The following CNTN1 variants were observed in gnomAD, a reference collection of about 807,000 sequenced individuals.
The protein encoded by CNTN1 is contactin 1.
CNTN1 carries 38 observed loss-of-function variants against 126.4 expected under a neutral mutation model. That is an observed-to-expected ratio of 0.30 (90% CI 0.23 to 0.39). CNTN1 has a LOEUF of 0.39. Among genes scored for constraint, CNTN1 ranks in the 10% least tolerant of loss-of-function variants. CNTN1 has a pLI of 1.00. For synonymous variants in CNTN1, 413 were observed against 422.6 expected (o/e 0.98, Z 0.28); for missense variants, 1,009 against 1,248.4 (o/e 0.81, Z 2.89).
intron 1 of CNTN1, among the ~76,000 whole-genome samples, chr12:40,840,783 T>C (rs1942246216): frequency 6.6e-6 from 1 of 150,846 alleles, no homozygotes; most frequent in African/African-American, 2.4e-5. Flanking sequence ...CAAATGAAAA[T>C]AAAGACAGAG....
At chr12:40,762,413 C>G (rs1200895951) in intron 1 of CNTN1, among the ~76,000 whole-genome samples, 1 of 152,022 alleles carries the variant, frequency 6.6e-6, no homozygotes, top group African/African-American at 2.4e-5. Flanking sequence ...AAGTCATCAC[C>G]TTAGAAAACA....
intron 1 of CNTN1, among the ~76,000 whole-genome samples, chr12:40,783,087 T>A (rs1298727235): frequency 1.3e-5 from 2 of 151,878 alleles, no homozygotes; most frequent in Non-Finnish European, 2.9e-5. Context: ...ACAATATGAG[T>A]TTGGTCTCTA....
intron 1 of CNTN1, among the ~76,000 whole-genome samples, chr12:40,804,687 A>G (rs77882057): frequency 0.012 from 1,847 of 152,080 alleles, 36 homozygotes; most frequent in African/African-American, 0.042. Flanking sequence ...ATCTCAGGGT[A>G]ACTGGAGCAC....
chr12:40,703,118 A>G (rs922431512), intron 1 of CNTN1, among the ~76,000 whole-genome samples: 1 of 152,144 alleles, frequency 6.6e-6, no homozygotes, highest in Non-Finnish European at 1.5e-5. Flanking sequence ...CATGAATAAG[A>G]ATGTCTGCTT....
intron 23 of CNTN1, among the ~76,000 whole-genome samples, chr12:41,058,225 C>A (rs924979006): frequency 1.3e-5 from 2 of 152,108 alleles, no homozygotes; most frequent in Non-Finnish European, 2.9e-5. Context: ...TTTCTCTCAA[C>A]ACCTAGAAAA....
chr12:40,963,338 G>T (rs781137409), intron 15 of CNTN1, among the ~76,000 whole-genome samples: 7 of 152,006 alleles, frequency 4.6e-5, no homozygotes, highest in Non-Finnish European at 1.0e-4. Flanking sequence ...GAAGATTTTA[G>T]TGAAAGTTTA....
At chr12:40,841,755 T>C (rs1467057197) in intron 1 of CNTN1, among the ~76,000 whole-genome samples, 1 of 151,964 alleles carries the variant, frequency 6.6e-6, no homozygotes, top group Non-Finnish European at 1.5e-5. Flanking sequence ...CTCAACAAAC[T>C]AGGTATAGAA....
At chr12:40,723,385 T>C (rs1263299536) in intron 1 of CNTN1, among the ~76,000 whole-genome samples, 1 of 152,236 alleles carries the variant, frequency 6.6e-6, no homozygotes, top group East Asian at 1.9e-4. Flanking sequence ...CTTTCAGTTT[T>C]ATTAACCCGA....
chr12:41,038,399 AG>A (rs900799839), intron 23 of CNTN1, among the ~76,000 whole-genome samples: 1 of 152,042 alleles, frequency 6.6e-6, no homozygotes, highest in African/African-American at 2.4e-5. Context: ...GTGTCTTCTA[AG>A]GTCCCTCTCC....
chr12:40,837,699 G>A (rs971140161), intron 1 of CNTN1, among the ~76,000 whole-genome samples: 3 of 152,190 alleles, frequency 2.0e-5, no homozygotes, highest in Admixed American at 1.3e-4. Flanking sequence ...GGACTGAGGA[G>A]CAAGCCGAGA....
At chr12:40,812,002 TC>T (rs1205562721) in intron 1 of CNTN1, among the ~76,000 whole-genome samples, 131 of 151,402 alleles carry the variant, frequency 8.7e-4, no homozygotes, top group African/African-American at 3.1e-3. Flanking sequence ...GTGAGATCTT[TC>T]TTTTTTTTTT....
intron 14 of CNTN1, among the ~76,000 whole-genome samples, chr12:40,947,537 A>C (rs1272363148): frequency 1.3e-5 from 2 of 151,938 alleles, no homozygotes; most frequent in Non-Finnish European, 2.9e-5. Context: ...CTTGTTCCAG[A>C]AAAGACTTAA....
chr12:40,753,045 G>T (rs182076513), intron 1 of CNTN1, among the ~76,000 whole-genome samples: 43 of 152,192 alleles, frequency 2.8e-4, no homozygotes, highest in Middle Eastern at 3.4e-3. Context: ...ATATGGTAGT[G>T]GTAGTTATGG....
At chr12:40,776,007 T>C (rs1939562960) in intron 1 of CNTN1, among the ~76,000 whole-genome samples, 1 of 151,652 alleles carries the variant, frequency 6.6e-6, no homozygotes, top group Non-Finnish European at 1.5e-5. Flanking sequence ...GTGTAGCTTA[T>C]TAATTATCCA....
chr12:41,000,224 C>A (rs572097113), intron 17 of CNTN1, among the ~76,000 whole-genome samples: 5 of 152,130 alleles, frequency 3.3e-5, no homozygotes, highest in African/African-American at 1.2e-4. Context: ...CAGTAAAATG[C>A]TTTAACAAAT....
chr12:40,955,082 T>C (rs1946826610), intron 14 of CNTN1, among the ~76,000 whole-genome samples: 1 of 152,042 alleles, frequency 6.6e-6, no homozygotes, highest in African/African-American at 2.4e-5. Context: ...TCTACAGGTG[T>C]AGTTAACTCT....
chr12:40,848,197 A>G (rs1302770495), intron 1 of CNTN1, among the ~76,000 whole-genome samples: 1 of 152,212 alleles, frequency 6.6e-6, no homozygotes, highest in African/African-American at 2.4e-5. Flanking sequence ...TGGATTCTCC[A>G]GGCTGTGATT....
chr12:41,060,303 C>A (rs576952025), intron 23 of CNTN1, among the ~76,000 whole-genome samples: 18 of 152,190 alleles, frequency 1.2e-4, no homozygotes, highest in African/African-American at 4.3e-4. Context: ...TGAAAATGTC[C>A]AAGAAGTCCT....
At chr12:40,833,637 G>T (rs1391021531) in intron 1 of CNTN1, among the ~76,000 whole-genome samples, 1 of 151,894 alleles carries the variant, frequency 6.6e-6, no homozygotes, top group Non-Finnish European at 1.5e-5. Flanking sequence ...GATCAATTCT[G>T]AATGAATCTC....
Sources: allele counts gnomAD v4.1 joint callset (sites outside exome capture counted in the v4.1 genomes callset), GRCh38; gene constraint gnomAD v4.1.1; transcripts MANE v1.5; gene names NCBI Gene and HGNC (gene_info 2026-07-23, HGNC 2026-07-21).